The following SPATA45 variants were observed in gnomAD, a reference collection of about 807,000 sequenced individuals.
SPATA45 encodes the protein spermatogenesis-associated protein 45.
SPATA45 carries 5 observed loss-of-function variants against 7.0 expected under a neutral mutation model. That is an observed-to-expected ratio of 0.71 (90% CI 0.37 to 1.50). The LOEUF (loss-of-function observed/expected upper bound fraction) is 1.50, where lower values mean the gene tolerates loss of function less well. SPATA45 is among the 40% of genes most tolerant of loss of function. The probability of loss-of-function intolerance (pLI) is 0.03; values close to 1 mark genes in which losing one functional copy is unlikely to be tolerated. For synonymous variants in SPATA45, 40 were observed against 38.7 expected (o/e 1.03, Z -0.13); for missense variants, 111 against 114.9 (o/e 0.97, Z 0.16).
intron 1 of SPATA45, among the ~76,000 whole-genome samples, chr1:212,844,645 T>C (rs2102514913): frequency 6.6e-6 from 1 of 152,284 alleles, no homozygotes; most frequent in African/African-American, 2.4e-5. Flanking sequence ...TATGTCTCAG[T>C]AAGCCAAACT....
intron 1 of SPATA45, among the ~76,000 whole-genome samples, chr1:212,846,650 G>A (rs1319812684): frequency 6.6e-6 from 1 of 152,024 alleles, no homozygotes; most frequent in African/African-American, 2.4e-5. Context: ...AATGTACTTT[G>A]TACACCTATC....
chr1:212,834,816 A>G lies in SPATA45; in HGVS notation c.277+1057T>C, dbSNP rs936082487. On this transcript the variant is annotated intron_variant, in intron 2 of 2. Transcript: ENST00000332912. ...TCAAAAGGATCTCCACTGCACCTCAATTTTGCACATGAAATGTTTGTAAAG... is the reference window on the plus strand; with the variant it reads ...TCAAAAGGATCTCCACTGCACCTCAGTTTTGCACATGAAATGTTTGTAAAG... Among the ~76,000 whole-genome samples, 3 of 151,568 alleles carry G rather than the reference A, an allele frequency of 2.0e-5. 1 individual carries two copies. The highest frequency in any genetic ancestry group is 2.0e-4 in the Admixed American group (3 of 15,170).
intron 2 of SPATA45, among the ~76,000 whole-genome samples, chr1:212,830,548 T>C (rs1663467384): frequency 6.7e-6 from 1 of 150,294 alleles, no homozygotes; most frequent in South Asian, 2.1e-4. Context: ...GGCGCGCTCC[T>C]GTAGTCCCAG....
intron 2 of SPATA45, among the ~76,000 whole-genome samples, chr1:212,831,140 C>T (rs951414369): frequency 3.5e-5 from 5 of 144,478 alleles, no homozygotes; most frequent in African/African-American, 4.9e-5. Context: ...AGTGAGACTC[C>T]GTCTCAATAA....
rs908842766 is a variant in SPATA45, at chr1:212,836,064, C to G, written c.86G>C (p.Arg29Pro). Reference sequence around the variant, plus strand: ...TCGTTCCACCAAGCAGTTGGATTCACGCTTTTTGTTTATCTCCTCCAGGAG... The same window carrying G: ...TCGTTCCACCAAGCAGTTGGATTCAGGCTTTTTGTTTATCTCCTCCAGGAG... ...QHLLEEINKK[R>P]ESNCLVERSN... is the part of the protein sequence containing the mutation. The change falls in exon 2 of 3, where the codon CGT becomes CCT. Residue 29 changes from arginine (R) to proline (P), a missense_variant. Physicochemically the swap from Arg to Pro is moderately radical, Grantham distance 103. Coordinates refer to ENST00000332912, the MANE Select transcript of SPATA45 (RefSeq NM_001024601.3). 1 of 1,610,468 alleles carries G rather than the reference C, an allele frequency of 6.2e-7. No individual in the cohort carries two copies. The highest frequency in any genetic ancestry group is 2.2e-5 in the East Asian group (1 of 44,824).
In SPATA45 at chr1:212,844,852, A is replaced by C. The variant is rs140853025; in HGVS notation, c.-39+2728T>G. ...CTCAAGGCCACTTTACTTCCAAAGGAAGCTGGAGTCATTCACTGCAAGGGC... is the reference window on the plus strand; with the variant it reads ...CTCAAGGCCACTTTACTTCCAAAGGCAGCTGGAGTCATTCACTGCAAGGGC... On this transcript the variant is annotated intron_variant, in intron 1 of 2. Coordinates refer to ENST00000332912, the MANE Select transcript of SPATA45 (RefSeq NM_001024601.3). 3.8e-3 allele frequency among the ~76,000 whole-genome samples: 576 copies of C among 152,330 alleles called. 7 individuals are homozygous for C. The highest frequency in any genetic ancestry group is 0.013 in the African/African-American group (552 of 41,578).
intron 1 of SPATA45, among the ~76,000 whole-genome samples, chr1:212,843,848 A>T (rs1663740763): frequency 6.6e-6 from 1 of 152,188 alleles, no homozygotes; most frequent in Admixed American, 6.5e-5. Flanking sequence ...TTAGTTCAGG[A>T]TCTGTGCCTT....
chr1:212,843,442 A>G (rs77522721), intron 1 of SPATA45, among the ~76,000 whole-genome samples: 3,487 of 152,342 alleles, frequency 0.023, 64 homozygotes, highest in South Asian at 0.041. Flanking sequence ...TAGGCACTTT[A>G]AAAAAAGTTT....
intron 1 of SPATA45, among the ~76,000 whole-genome samples, chr1:212,837,060 ATTG>A (rs993210058): frequency 1.1e-4 from 16 of 151,342 alleles, no homozygotes; most frequent in African/African-American, 3.4e-4. Context: ...AGGATATATT[ATTG>A]TTTTTTAAAA....
chr1:212,838,300 T>C (rs1394206279), intron 1 of SPATA45, among the ~76,000 whole-genome samples: 1 of 60,820 alleles, frequency 1.6e-5, no homozygotes, highest in East Asian at 6.3e-4. Flanking sequence ...CAGGACTTTG[T>C]CTAAAAAAAA....
chr1:212,836,874 G>C (rs1448302861), intron 1 of SPATA45, among the ~76,000 whole-genome samples: 2 of 148,534 alleles, frequency 1.3e-5, no homozygotes, highest in African/African-American at 4.9e-5. Flanking sequence ...GGCCAGGTTG[G>C]TCTCGAACTC....
At chr1:212,834,714 G>A (rs1368890884) in intron 2 of SPATA45, among the ~76,000 whole-genome samples, 2 of 151,714 alleles carry the variant, frequency 1.3e-5, no homozygotes, top group Non-Finnish European at 2.9e-5. Context: ...GCCACCCAAA[G>A]TGCTGGGACT....
At chr1:212,837,193 T>C (rs962134612) in intron 1 of SPATA45, among the ~76,000 whole-genome samples, 14 of 151,516 alleles carry the variant, frequency 9.2e-5, no homozygotes, top group African/African-American at 3.4e-4. Context: ...TAATACATGA[T>C]TATAAAAATA....
chr1:212,834,823 A>C (rs61832054), intron 2 of SPATA45, among the ~76,000 whole-genome samples: 9,088 of 151,676 alleles, frequency 0.06, 645 homozygotes, highest in Non-Finnish European at 0.085. Flanking sequence ...TCAATTTTGC[A>C]CATGAAATGT....
chr1:212,846,003 G>A (rs562325271), intron 1 of SPATA45, among the ~76,000 whole-genome samples: 18 of 152,200 alleles, frequency 1.2e-4, no homozygotes, highest in African/African-American at 4.3e-4. Flanking sequence ...GAACCCCCTT[G>A]GGCACTCCTT....
chr1:212,838,263 C>A (rs1663621050), intron 1 of SPATA45, among the ~76,000 whole-genome samples: 1 of 148,652 alleles, frequency 6.7e-6, no homozygotes. Flanking sequence ...AAGATCATAG[C>A]ACTACACTCC....
rs575953050 is a variant in SPATA45 at position 212,834,177 on chromosome 1, T to A, written c.277+1696A>T. Among the ~76,000 whole-genome samples the A allele has an allele frequency of 2.0e-5, 3 of 151,884 alleles. No individual in the cohort carries two copies. The East Asian group carries it at 5.8e-4, about 29-fold the overall frequency. ...CCACTTCCTAAGAGCACTGGGCAAG[T>A]GTAAAGTCACAGCCACATCAAAGAA... is the stretch of plus-strand genomic sequence containing the variant. On this transcript the variant is annotated intron_variant, in intron 2 of 2. Transcript: ENST00000332912.
At chr1:212,833,954 TGA>T (rs1290593097) in intron 2 of SPATA45, among the ~76,000 whole-genome samples, 2 of 151,824 alleles carry the variant, frequency 1.3e-5, no homozygotes, top group African/African-American at 4.8e-5. Context: ...TGATTTAAAG[TGA>T]GACGTAATAC....
chr1:212,842,369 ACTTGGT>A, intron 1 of SPATA45, among the ~76,000 whole-genome samples: 1 of 152,066 alleles, frequency 6.6e-6, no homozygotes, highest in South Asian at 2.1e-4. Flanking sequence ...CAAGAATGAA[ACTTGGT>A]CTCAAAAAAA....
Sources: allele counts gnomAD v4.1 joint callset (sites outside exome capture counted in the v4.1 genomes callset), GRCh38; gene constraint gnomAD v4.1.1; transcripts MANE v1.5; gene names NCBI Gene and HGNC (gene_info 2026-07-23, HGNC 2026-07-21).